The following MIPEP variants were observed in gnomAD, a reference collection of about 807,000 sequenced individuals.
MIPEP encodes the protein mitochondrial intermediate peptidase.
In MIPEP, 79 loss-of-function variants were observed where a neutral mutation model predicts 90.3. That is an observed-to-expected ratio of 0.87 (90% CI 0.73 to 1.05). MIPEP has a LOEUF of 1.05. Among genes scored for constraint, MIPEP ranks in the 50% least tolerant of loss-of-function variants. The pLI is 0.00. For synonymous variants in MIPEP, 334 were observed against 315.8 expected (o/e 1.06, Z -0.61); for missense variants, 940 against 905.6 (o/e 1.04, Z -0.49).
At chr13:23,760,361 T>C (rs1227193357) in intron 16 of MIPEP, 144 bp from the exon 17 acceptor site, 5 of 1,060,708 alleles carry the variant, frequency 4.7e-6, no homozygotes, top group Non-Finnish European at 7.2e-6. Flanking sequence ...TCACCTATGA[T>C]ATCAATATTT....
intron 14 of MIPEP, among the ~76,000 whole-genome samples, chr13:23,832,430 C>T (rs1425252706): frequency 2.0e-5 from 3 of 151,886 alleles, no homozygotes; most frequent in African/African-American, 7.3e-5. Flanking sequence ...ACTAATATAG[C>T]TATTAAATAT....
intron 2 of MIPEP, among the ~76,000 whole-genome samples, chr13:23,884,354 T>C (rs1871386193): frequency 6.6e-6 from 1 of 152,184 alleles, no homozygotes; most frequent in African/African-American, 2.4e-5. Context: ...GAAGTCAATT[T>C]TACAGAATAA....
chr13:23,811,972 G>A (rs1425726278), intron 14 of MIPEP, among the ~76,000 whole-genome samples: 5 of 152,126 alleles, frequency 3.3e-5, no homozygotes, highest in African/African-American at 1.2e-4. Flanking sequence ...TGCAACATTT[G>A]CTGTTCTCGG....
Position 23,881,726 on chromosome 13 carries a change from C to A in MIPEP, c.425G>T (p.Cys142Phe). Residue 142 changes from cysteine (C) to phenylalanine (F), a missense_variant, in exon 3 of 19, where the codon TGT becomes TTT. By Grantham distance (205) the Cys-to-Phe change is radical. Transcript: ENST00000382172. ...CTCTACCATGGTGCCAATACTTCTA[C>A]AAGCTTCTTCCGCAGCTTCTCTGAA... ...PAFREAAEEA[C>F]RSIGTMVEKL... is the part of the protein sequence containing the mutation. The A allele has an allele frequency of 6.2e-7, 1 of 1,614,050 alleles. No homozygotes were observed. Among genetic ancestry groups the A allele is most frequent in the Non-Finnish European group, 8.5e-7 (1 of 1,179,944 alleles).
intron 18 of MIPEP, among the ~76,000 whole-genome samples, chr13:23,743,759 G>A (rs895608140): frequency 6.6e-6 from 1 of 152,180 alleles, no homozygotes; most frequent in African/African-American, 2.4e-5. Context: ...TTGAAGCTCA[G>A]TGTCTTCCTT....
intron 14 of MIPEP, among the ~76,000 whole-genome samples, chr13:23,810,709 T>C (rs1054747443): frequency 6.6e-6 from 1 of 152,252 alleles, no homozygotes; most frequent in Non-Finnish European, 1.5e-5. Context: ...CTCAGTGGTA[T>C]GGTCGTATAA....
At chr13:23,798,247 A>T (rs1952986022) in intron 16 of MIPEP, among the ~76,000 whole-genome samples, 1 of 152,260 alleles carries the variant, frequency 6.6e-6, no homozygotes, top group South Asian at 2.1e-4. Flanking sequence ...GTGTCTGACT[A>T]AATTCAGCAC....
Position 23,889,343 on chromosome 13 carries a change from C to A in MIPEP, c.-23G>T, listed in dbSNP as rs1457977909. 1 of 1,299,960 alleles carries A rather than the reference C, an allele frequency of 7.7e-7. No homozygotes were observed. Among genetic ancestry groups the A allele is most frequent in the East Asian group, 3.1e-5 (1 of 31,808 alleles). The allele number at this position is 1,299,960 out of a possible 1,614,324, so 80.5% of individuals were successfully genotyped here. ...CATTCTAGCACCAGAGCAGTCCCTT[C>A]CTCCAACGCAGATCCCTGCCCTGCT... On this transcript the variant is annotated 5_prime_UTR_variant, in exon 1 of 19. Transcript: ENST00000382172.
chr13:23,815,077 C>T (rs1179467195), intron 14 of MIPEP, among the ~76,000 whole-genome samples: 1 of 152,200 alleles, frequency 6.6e-6, no homozygotes, highest in Non-Finnish European at 1.5e-5. Context: ...AGGTTTAACA[C>T]AGATACTGAA....
chr13:23,756,439 G>A (rs780432603), intron 18 of MIPEP, 106 bp downstream of exon 18: 3 of 1,199,304 alleles, frequency 2.5e-6, no homozygotes, highest in Non-Finnish European at 2.4e-6. Flanking sequence ...TTACAGGCAT[G>A]AACCACCACA....
intron 18 of MIPEP, among the ~76,000 whole-genome samples, chr13:23,750,603 G>A (rs1224078126): frequency 6.6e-6 from 1 of 152,150 alleles, no homozygotes; most frequent in African/African-American, 2.4e-5. Context: ...GACTGAGGTC[G>A]TATTTGTCAT....
chr13:23,735,209 C>A (rs1952248380), intron 18 of MIPEP, among the ~76,000 whole-genome samples: 1 of 152,144 alleles, frequency 6.6e-6, no homozygotes, highest in South Asian at 2.1e-4. Context: ...CCTCCTCCAG[C>A]CTCTGTATAT....
intron 10 of MIPEP, among the ~76,000 whole-genome samples, chr13:23,848,488 A>G: frequency 6.6e-6 from 1 of 152,220 alleles, no homozygotes. Flanking sequence ...CATTGTAACA[A>G]TAATGACGAC....
intron 10 of MIPEP, among the ~76,000 whole-genome samples, chr13:23,856,541 T>G (rs1870055140): frequency 6.6e-6 from 1 of 152,196 alleles, no homozygotes; most frequent in African/African-American, 2.4e-5. Context: ...GGTAGATTAT[T>G]CAGAACTTTC....
At chr13:23,830,298 T>A (rs1001928492) in intron 14 of MIPEP, among the ~76,000 whole-genome samples, 3 of 152,186 alleles carry the variant, frequency 2.0e-5, no homozygotes, top group Non-Finnish European at 4.4e-5. Flanking sequence ...AAATATATAT[T>A]TTTTAAATAA....
At position 23,836,263 on chromosome 13, in the gene MIPEP, C is replaced by G. The variant is rs746137294; in HGVS notation, c.1630G>C (p.Ala544Pro). ...ACCTGTCCAGTCTGATAATGTCTGG[C>G]AAATTGGTTAACTACTCGATAATCA... ...ANDYRVVNQF[A>P]RHYQTGQPLP... is the part of the protein sequence containing the mutation. Residue 544 changes from alanine to proline, a missense_variant, in exon 14 of 19, where the codon GCC becomes CCC. Coordinates refer to ENST00000382172, the MANE Select transcript of MIPEP (RefSeq NM_005932.4). 15 of 1,602,174 alleles carry G rather than the reference C, an allele frequency of 9.4e-6. No individual in the cohort carries two copies. Among genetic ancestry groups the G allele is most frequent in the African/African-American group, 1.3e-5 (1 of 74,196 alleles).
At chr13:23,854,139 C>A (rs1285747255) in intron 10 of MIPEP, among the ~76,000 whole-genome samples, 1 of 149,512 alleles carries the variant, frequency 6.7e-6, no homozygotes, top group Admixed American at 6.6e-5. Flanking sequence ...TCCTGGCTAA[C>A]ACGGTGAAAC....
chr13:23,806,762 ATCTG>A (rs775484471), intron 15 of MIPEP, among the ~76,000 whole-genome samples: 43 of 149,738 alleles, frequency 2.9e-4, no homozygotes, highest in Non-Finnish European at 5.3e-4. Flanking sequence ...CTATCTATCT[ATCTG>A]TAGGCAGAAA....
intron 18 of MIPEP, among the ~76,000 whole-genome samples, chr13:23,754,425 G>A (rs1389550282): frequency 6.6e-6 from 1 of 152,176 alleles, no homozygotes; most frequent in Admixed American, 6.5e-5. Context: ...AAGTAGAATT[G>A]TTCTATTGTT....
Sources: gnomAD v4.1 joint callset for allele counts (sites outside exome capture counted in the v4.1 genomes callset) on GRCh38, gnomAD v4.1.1 for gene constraint, MANE v1.5 for transcripts, NCBI Gene and HGNC (gene_info 2026-07-23, HGNC 2026-07-21) for gene names.